NFIC: variants seen among roughly 807,000 people sequenced by gnomAD.
NFIC encodes the protein nuclear factor 1 C-type.
A neutral mutation model predicts 54.4 loss-of-function variants in NFIC; 12 were observed. The observed-to-expected ratio is 0.22, with a 90% confidence interval of 0.14 to 0.36. The LOEUF (loss-of-function observed/expected upper bound fraction) is 0.36. Among genes scored for constraint, NFIC ranks in the 10% least tolerant of loss-of-function variants. The pLI, the probability that NFIC is intolerant of heterozygous loss-of-function variation, is 1.00. For missense variants in NFIC, 575 were observed against 718.2 expected, an observed-to-expected ratio of 0.80 and a Z score of 2.28; for synonymous variants, 322 against 319.2, an observed-to-expected ratio of 1.01 and a Z score of -0.09.
chr19:3,419,057 CAG>C (rs747552019), intron 2 of NFIC, among the ~76,000 whole-genome samples: 32 of 151,338 alleles, frequency 2.1e-4, no homozygotes, highest in African/African-American at 7.5e-4. Flanking sequence ...TTGGCGGGGT[CAG>C]GGGGTGTCGG....
At chr19:3,385,736 C>A (rs2081286962) in intron 2 of NFIC, among the ~76,000 whole-genome samples, 1 of 151,944 alleles carries the variant, frequency 6.6e-6, no homozygotes, top group Non-Finnish European at 1.5e-5. Context: ...CCACACCCGG[C>A]TAATTTTTGT....
chr19:3,440,955 A>G (rs1020075275), intron 6 of NFIC, among the ~76,000 whole-genome samples: 2 of 152,246 alleles, frequency 1.3e-5, no homozygotes. Flanking sequence ...AGCTGGGACT[A>G]TGGGCACTTG....
chr19:3,359,767 TG>T, intron 1 of NFIC: 8 of 1,305,324 alleles, frequency 6.1e-6, no homozygotes, highest in African/African-American at 3.1e-5. Context: ...TTGCAAGATC[TG>T]GGGGGACAGG....
chr19:3,375,785 C>G lies in NFIC; in HGVS notation c.31-5927C>G, dbSNP rs539548290. On this transcript the variant is annotated intron_variant, in intron 1 of 10. Transcript: ENST00000443272. This position sits in a 1 kb window ranked among gnomAD's most constrained non-coding sequence, Gnocchi z 4.6. Reference sequence around the variant, plus strand: ...CACGGCCGGAGGTGGCCCAAGGGGACGTGGAGCACAGAGCAGGGAGGGTGA... The same window carrying G: ...CACGGCCGGAGGTGGCCCAAGGGGAGGTGGAGCACAGAGCAGGGAGGGTGA... 2.6e-5 allele frequency among the ~76,000 whole-genome samples: 4 copies of G among 152,158 alleles called. No homozygotes were observed. Among genetic ancestry groups the G allele is most frequent in the Non-Finnish European group, 5.9e-5 (4 of 68,028 alleles).
chr19:3,361,832 G>A (rs888616822), upstream of NFIC, among the ~76,000 whole-genome samples: 5 of 151,862 alleles, frequency 3.3e-5, no homozygotes, highest in African/African-American at 1.2e-4. Context: ...GGACACACGT[G>A]CATGCAGTCA....
chr19:3,410,671 C>T (rs2081741969), intron 2 of NFIC: 1 of 152,318 alleles, frequency 6.6e-6, no homozygotes, highest in South Asian at 2.1e-4. Flanking sequence ...GGGTAATGTT[C>T]ATTTAACTCC....
intron 2 of NFIC, among the ~76,000 whole-genome samples, chr19:3,393,923 T>G (rs1242261671): frequency 5.3e-5 from 8 of 151,920 alleles, no homozygotes; most frequent in Admixed American, 1.3e-4. Flanking sequence ...AAATTAATTT[T>G]AACATTATTT....
In NFIC at chr19:3,370,483, C is replaced by G. The variant is rs576862364; in HGVS notation, c.30+3817C>G. On this transcript the variant is annotated intron_variant, in intron 1 of 10. Coordinates refer to ENST00000443272, the MANE Select transcript of NFIC (RefSeq NM_001245002.2). The surrounding 1 kb of genome is among the most constrained non-coding windows in gnomAD (Gnocchi z 5.2). ...ATTCTGGCAGAGTCAGCGTTCTCCT[C>G]TCTCTCTCTCTCTCTCTCTGTCTCC... 1.4e-5 allele frequency among the ~76,000 whole-genome samples: 1 copy of G among 73,776 alleles called. No individual in the cohort carries two copies. The highest frequency in any genetic ancestry group is 1.0e-4 in the Admixed American group (1 of 9,996). 48.4% of individuals were successfully genotyped at this position (73,776 alleles called of 152,430 possible). A position where few individuals can be genotyped will look rare whatever the true frequency, so the allele number is the denominator to read the frequency against.
chr19:3,453,732 C>A lies in NFIC; in HGVS notation c.1270-31C>A. 1 of 1,585,354 alleles carries A rather than the reference C, an allele frequency of 6.3e-7. No individual in the cohort carries two copies. The highest frequency in any genetic ancestry group is 1.1e-5 in the South Asian group (1 of 87,158). ...AGCCCGAGGTAGAGGGGGAGCCCACCCCTTAACCACGTGTCTCTCTGTTCC... is the reference window on the plus strand; with the variant it reads ...AGCCCGAGGTAGAGGGGGAGCCCACACCTTAACCACGTGTCTCTCTGTTCC... On this transcript the variant is annotated intron_variant, in intron 8 of 10. Transcript: ENST00000443272. The surrounding 1 kb of genome is among the most constrained non-coding windows in gnomAD (Gnocchi z 6.7).
intron 6 of NFIC, among the ~76,000 whole-genome samples, chr19:3,440,524 A>G (rs2082277836): frequency 6.7e-6 from 1 of 150,242 alleles, no homozygotes; most frequent in Admixed American, 6.6e-5. Context: ...TCTGCCTCCC[A>G]GGTTCAAGCG....
At chr19:3,404,155 C>T (rs887693341) in intron 2 of NFIC, among the ~76,000 whole-genome samples, 1 of 152,144 alleles carries the variant, frequency 6.6e-6, no homozygotes, top group African/African-American at 2.4e-5. Context: ...CCGTCACAGC[C>T]GCCGAGTCAG....
intron 6 of NFIC, among the ~76,000 whole-genome samples, chr19:3,436,167 C>T (rs991049295): frequency 3.9e-5 from 5 of 127,332 alleles, no homozygotes; most frequent in South Asian, 4.9e-4. Context: ...GTTTTTGAAA[C>T]GGAGTCTCGG....
At chr19:3,376,303 C>T (rs2081105298) in intron 1 of NFIC, among the ~76,000 whole-genome samples, 2 of 150,966 alleles carry the variant, frequency 1.3e-5, no homozygotes, top group Admixed American at 1.3e-4. Context: ...TGGTGGCGCA[C>T]CTGGAATCCC....
At chr19:3,376,300 G>A (rs932317918) in intron 1 of NFIC, among the ~76,000 whole-genome samples, 1 of 150,908 alleles carries the variant, frequency 6.6e-6, no homozygotes, top group Non-Finnish European at 1.5e-5. Context: ...GCATGGTGGC[G>A]CACCTGGAAT....
At chr19:3,437,454 A>G (rs950090571) in intron 6 of NFIC, among the ~76,000 whole-genome samples, 2 of 151,778 alleles carry the variant, frequency 1.3e-5, no homozygotes, top group Non-Finnish European at 2.9e-5. Flanking sequence ...TCCCTTCCAC[A>G]GTGTGGGCTC....
intron 3 of NFIC, among the ~76,000 whole-genome samples, chr19:3,431,915 A>G (rs1369436393): frequency 6.6e-6 from 1 of 152,198 alleles, no homozygotes. Flanking sequence ...TGTGGTGAAC[A>G]GTGCTGCTAG....
chr19:3,374,050 G>A lies in NFIC; in HGVS notation c.30+7384G>A, dbSNP rs569284490. ...TTAGAACTAAGGCTTTGAAGGATGC[G>A]TAGGAATTTGGGATAAGTGCTAAGT... On this transcript the variant is annotated intron_variant, in intron 1 of 10. Coordinates refer to ENST00000443272, the MANE Select transcript of NFIC (RefSeq NM_001245002.2). Among the ~76,000 whole-genome samples the A allele has an allele frequency of 3.3e-5, 5 of 152,348 alleles. No homozygotes were observed. In the South Asian group the frequency reaches 1.0e-3, roughly 32 times the overall value.
chr19:3,444,544 G>A (rs2082342382), intron 6 of NFIC, among the ~76,000 whole-genome samples: 1 of 152,180 alleles, frequency 6.6e-6, no homozygotes, highest in African/African-American at 2.4e-5. Flanking sequence ...GAGCCTGCCG[G>A]GAGCGTGCCG....
intron 2 of NFIC, 145 bp from the exon 3 acceptor site, chr19:3,424,961 C>T: frequency 1.3e-6 from 1 of 779,364 alleles, no homozygotes; most frequent in Non-Finnish European, 2.0e-6. Flanking sequence ...AAGAGAGACC[C>T]CAGGGCCTGG....
Sources: gnomAD v4.1 joint callset for allele counts (sites outside exome capture counted in the v4.1 genomes callset) on GRCh38, gnomAD v4.1.1 for gene constraint, Gnocchi (gnomAD v3.1) non-coding constraint, MANE v1.5 for transcripts, NCBI Gene and HGNC (gene_info 2026-07-23, HGNC 2026-07-21) for gene names.